PRKDC: variants seen among roughly 807,000 people sequenced by gnomAD.
PRKDC encodes protein kinase, DNA-activated, catalytic subunit.
In PRKDC, 82 loss-of-function variants were observed where a neutral mutation model predicts 486.9. The ratio of observed to expected loss-of-function variants is 0.17; its 90% CI spans 0.14 to 0.20. The LOEUF (loss-of-function observed/expected upper bound fraction) is 0.20. PRKDC is among the 10% of genes least tolerant of loss of function. The probability of loss-of-function intolerance (pLI) is 1.00; values close to 1 mark genes in which losing one functional copy is unlikely to be tolerated. For missense variants in PRKDC, 4,504 were observed against 5,038.2 expected (o/e 0.89, Z 3.21); for synonymous variants, 1,895 against 1,837.0 (o/e 1.03, Z -0.81).
At chr8:47,821,558 C>G in intron 65 of PRKDC, 46 bp downstream of exon 65, 2 of 1,520,992 alleles carry the variant, frequency 1.3e-6, no homozygotes, top group Non-Finnish European at 1.8e-6. Context: ...GTAGAAAACA[C>G]CTATCTAAAA....
At chr8:47,935,925 T>C (rs1427848641) in intron 12 of PRKDC, 25 bp from the exon 13 acceptor site, 1 of 1,599,574 alleles carries the variant, frequency 6.3e-7, no homozygotes. Flanking sequence ...CAGCAAACCG[T>C]GAGTTAGAGG....
At chr8:47,926,143 T>C (rs2090153862) in intron 21 of PRKDC, among the ~76,000 whole-genome samples, 2 of 152,246 alleles carry the variant, frequency 1.3e-5, no homozygotes, top group South Asian at 4.1e-4. Context: ...CTATCAGATA[T>C]ATTCATTTTA....
chr8:47,840,973 A>G (rs2154499903), intron 54 of PRKDC, among the ~76,000 whole-genome samples: 1 of 152,364 alleles, frequency 6.6e-6, no homozygotes, highest in East Asian at 1.9e-4. Context: ...GAAAGAAAGC[A>G]CTGAGCATCA....
At chr8:47,783,839 C>T (rs765645662) in intron 77 of PRKDC, 30 bp from the exon 78 acceptor site, 2 of 1,608,752 alleles carry the variant, frequency 1.2e-6, no homozygotes, top group Admixed American at 3.3e-5. Flanking sequence ...TGCTTAGGAA[C>T]AGCTTGTTAG....
intron 16 of PRKDC, among the ~76,000 whole-genome samples, chr8:47,932,504 A>C (rs2090274592): frequency 6.6e-6 from 1 of 152,172 alleles, no homozygotes. Flanking sequence ...GGTTTCAGCT[A>C]CCGCGCCAGG....
chr8:47,931,513 T>A (rs2090252958), intron 16 of PRKDC, among the ~76,000 whole-genome samples: 1 of 151,820 alleles, frequency 6.6e-6, no homozygotes. Flanking sequence ...TTTTTTTTAA[T>A]AAAATTATTT....
chr8:47,955,279 G>T (rs1268393583), intron 4 of PRKDC, among the ~76,000 whole-genome samples: 1 of 150,994 alleles, frequency 6.6e-6, no homozygotes, highest in Admixed American at 6.6e-5. Context: ...CGGCTAAAAC[G>T]GTGAAACCTC....
At chr8:47,832,060 A>C in intron 59 of PRKDC, 134 bp from the exon 60 acceptor site, 1 of 720,880 alleles carries the variant, frequency 1.4e-6, no homozygotes. Context: ...GCAGGAGTGC[A>C]GGGGCCACAG....
chr8:47,837,243 A>C lies in PRKDC; in HGVS notation c.7730T>G (p.Phe2577Cys). Residue 2577 changes from phenylalanine (F) to cysteine (C), a missense_variant, in exon 57 of 86, where the codon TTC (phenylalanine) becomes TGC (cysteine). Transcript: ENST00000314191. ...TTCGCATTCTGACAGAGGATGCTCG[A>C]ACATGGGGTTTGGATAATCTGGGCT... Reference protein sequence around the residue: ...SMSPDYPNPMFEHPLSECEFQ... With the variant: ...SMSPDYPNPMCEHPLSECEFQ... 6.2e-7 allele frequency: 1 copy of C among 1,613,942 alleles called. No homozygotes were observed.
chr8:47,799,250 G>A lies in PRKDC; in HGVS notation c.10257C>T (p.Phe3419=). Residue 3419 remains phenylalanine, a synonymous_variant, in exon 72 of 86, where the codon TTC becomes TTT. Transcript: ENST00000314191. ...CCTCCTTGCGCAGCTGTTGGTCACA[G>A]AAATCTGCCAGCGTCATGTAAGCAT... The part of the protein sequence containing the change: ...VIDAYMTLAD[F]CDQQLRKEEE... 2 of 1,613,900 alleles carry A rather than the reference G, an allele frequency of 1.2e-6. No individual in the cohort carries two copies. The highest frequency in any genetic ancestry group is 1.7e-6 in the Non-Finnish European group (2 of 1,179,898).
At chr8:47,841,009 G>T (rs1274134290) in intron 54 of PRKDC, among the ~76,000 whole-genome samples, 1 of 152,204 alleles carries the variant, frequency 6.6e-6, no homozygotes, top group African/African-American at 2.4e-5. Context: ...AGACACTGAG[G>T]CTGAAGAGGG....
chr8:47,892,121 C>T (rs1386975754), intron 31 of PRKDC, among the ~76,000 whole-genome samples: 4 of 152,134 alleles, frequency 2.6e-5, no homozygotes, highest in Non-Finnish European at 4.4e-5. Context: ...GTGCCCATCT[C>T]GGCCTCCCAA....
At chr8:47,910,477 C>A (rs2089878676) in intron 25 of PRKDC, among the ~76,000 whole-genome samples, 1 of 152,200 alleles carries the variant, frequency 6.6e-6, no homozygotes, top group African/African-American at 2.4e-5. Context: ...CATATACACA[C>A]AAGGGGCCAT....
intron 64 of PRKDC, 137 bp from the exon 65 acceptor site, chr8:47,821,929 G>A (rs1354400687): frequency 9.4e-6 from 8 of 850,396 alleles, no homozygotes; most frequent in Middle Eastern, 3.5e-4. Context: ...GAAAAGAGAA[G>A]CTATTCAGAG....
intron 1 of PRKDC, chr8:47,959,022 C>T (rs914221388): frequency 6.6e-6 from 1 of 152,262 alleles, no homozygotes; most frequent in Non-Finnish European, 1.5e-5. Context: ...AGGCATGAGC[C>T]ACCGCACCGT....
intron 10 of PRKDC, among the ~76,000 whole-genome samples, 162 bp downstream of exon 10, chr8:47,943,047 T>C (rs747631043): frequency 8.5e-5 from 13 of 152,266 alleles, no homozygotes; most frequent in Non-Finnish European, 1.9e-4. Context: ...TCTTTCAGTC[T>C]GGCTGCCTCC....
intron 47 of PRKDC, 90 bp from the exon 48 acceptor site, chr8:47,858,725 A>C: frequency 6.9e-7 from 1 of 1,450,732 alleles, no homozygotes; most frequent in Non-Finnish European, 9.1e-7. Flanking sequence ...AAAGTAAGAC[A>C]TGAACAAAAA....
At position 47,776,719 on chromosome 8, in the gene PRKDC, A is replaced by C. The variant is rs1218479810; in HGVS notation, c.12182+125T>G. On this transcript the variant is annotated intron_variant, in intron 85 of 85. Transcript: ENST00000314191. Reference sequence around the variant, plus strand: ...CTCTCTAAGCCCTGCTTTCCTCCTCAATGAAAGCAGAGAAGTCATGCTAAC... The same window carrying C: ...CTCTCTAAGCCCTGCTTTCCTCCTCCATGAAAGCAGAGAAGTCATGCTAAC... 24 of 1,290,790 alleles carry C rather than the reference A, an allele frequency of 1.9e-5. No individual in the cohort carries two copies. The East Asian group carries it at 4.3e-4, about 23-fold the overall frequency. 80.0% of individuals were successfully genotyped at this position (1,290,790 alleles called of 1,614,324 possible). A position where few individuals can be genotyped will look rare whatever the true frequency, so the allele number is the denominator to read the frequency against.
chr8:47,777,595 C>T, intron 84 of PRKDC, 91 bp downstream of exon 84: 1 of 1,232,006 alleles, frequency 8.1e-7, no homozygotes, highest in South Asian at 1.7e-5. Context: ...ATCAACATGA[C>T]TCAATGCACT....
Sources: allele counts gnomAD v4.1 joint callset (sites outside exome capture counted in the v4.1 genomes callset), GRCh38; gene constraint gnomAD v4.1.1; transcripts MANE v1.5; gene names NCBI Gene and HGNC (gene_info 2026-07-23, HGNC 2026-07-21).